Variants in TG observed in about 807,000 individuals in gnomAD.
TG encodes the protein thyroglobulin.
TG carries 270 observed loss-of-function variants against 324.7 expected under a neutral mutation model. The observed-to-expected ratio is 0.83, with a 90% CI of 0.75 to 0.92. The LOEUF (loss-of-function observed/expected upper bound fraction) is 0.92. Among genes scored for constraint, TG ranks in the 40% least tolerant of loss-of-function variants. The probability of loss-of-function intolerance (pLI) is 0.00; values close to 1 mark genes in which losing one functional copy is unlikely to be tolerated. For missense variants in TG, 3,591 were observed against 3,456.4 expected (o/e 1.04, Z -0.98); for synonymous variants, 1,401 against 1,327.0 (o/e 1.06, Z -1.21).
At chr8:132,936,894 G>A (rs537170460) in intron 25 of TG, among the ~76,000 whole-genome samples, 3 of 152,158 alleles carry the variant, frequency 2.0e-5, no homozygotes, top group Non-Finnish European at 4.4e-5. Flanking sequence ...CCGCCTGCCT[G>A]TGTGGAACCC....
At chr8:132,954,594 G>A (rs543459641) in intron 27 of TG, among the ~76,000 whole-genome samples, 1 of 152,314 alleles carries the variant, frequency 6.6e-6, no homozygotes, top group Admixed American at 6.5e-5. Context: ...GCTGACAATT[G>A]CAGGGAGGAC....
At chr8:132,933,316 G>T (rs115390341) in intron 23 of TG, among the ~76,000 whole-genome samples, 4 of 1,138 alleles carry the variant, frequency 3.5e-3, no homozygotes, top group South Asian at 0.038. Flanking sequence ...ATTTGTGTGT[G>T]TCTGTGTGTC....
At chr8:132,990,190 T>C (rs1449505983) in intron 35 of TG, among the ~76,000 whole-genome samples, 1 of 148,268 alleles carries the variant, frequency 6.7e-6, no homozygotes, top group Non-Finnish European at 1.5e-5. Flanking sequence ...ATAATATACA[T>C]GTACGTATAC....
At chr8:133,108,527 T>C (rs1400290212) in intron 43 of TG, among the ~76,000 whole-genome samples, 3 of 152,128 alleles carry the variant, frequency 2.0e-5, no homozygotes, top group Admixed American at 6.5e-5. Context: ...ATGATGAGGG[T>C]AATTTGTTGT....
intron 37 of TG, among the ~76,000 whole-genome samples, chr8:133,014,414 G>A (rs1834836141): frequency 1.3e-5 from 2 of 152,258 alleles, no homozygotes; most frequent in Admixed American, 1.3e-4. Flanking sequence ...GCTAAGAGCT[G>A]TAGAACAGGA....
intron 40 of TG, among the ~76,000 whole-genome samples, chr8:133,023,236 A>G (rs1394009924): frequency 2.0e-5 from 3 of 152,222 alleles, no homozygotes; most frequent in Non-Finnish European, 4.4e-5. Context: ...TTCTAGACTT[A>G]TGAAATGGGC....
intron 35 of TG, among the ~76,000 whole-genome samples, chr8:132,983,967 C>T (rs1450240363): frequency 1.3e-5 from 2 of 152,228 alleles, no homozygotes; most frequent in African/African-American, 4.8e-5. Flanking sequence ...TGATCCTCCT[C>T]ACTCATGGCA....
At chr8:133,074,233 G>C (rs770173744) in intron 41 of TG, among the ~76,000 whole-genome samples, 2 of 152,098 alleles carry the variant, frequency 1.3e-5, no homozygotes, top group Non-Finnish European at 2.9e-5. Flanking sequence ...CACCTGCTCA[G>C]ATTGTTATTA....
intron 41 of TG, among the ~76,000 whole-genome samples, chr8:133,031,309 T>C (rs1340837336): frequency 1.3e-5 from 2 of 152,248 alleles, no homozygotes; most frequent in Non-Finnish European, 2.9e-5. Context: ...CTTTCCTTTT[T>C]ATGGCTGCAT....
At chr8:132,881,746 T>C in intron 5 of TG, 117 bp from the exon 6 acceptor site, 1 of 765,376 alleles carries the variant, frequency 1.3e-6, no homozygotes, top group Non-Finnish European at 2.4e-6. Context: ...TGTCATGTGA[T>C]AAGAAAGTAG....
intron 41 of TG, chr8:133,049,406 C>T (rs1264734185): frequency 2.4e-5 from 7 of 293,192 alleles, no homozygotes; most frequent in African/African-American, 1.1e-4. Context: ...TGTATCATTA[C>T]ATCTTATTCT....
chr8:133,109,666 C>A (rs947540125), intron 43 of TG, among the ~76,000 whole-genome samples: 2 of 152,116 alleles, frequency 1.3e-5, no homozygotes, highest in African/African-American at 4.8e-5. Context: ...TTGTCCACCC[C>A]CTCAGGATGG....
chr8:132,883,880 C>T (rs140336280), intron 8 of TG, among the ~76,000 whole-genome samples: 3 of 152,206 alleles, frequency 2.0e-5, no homozygotes, highest in African/African-American at 7.2e-5. Flanking sequence ...TGTATTGTCT[C>T]TGTTCTGGAG....
chr8:133,018,068 G>A (rs953633252), intron 38 of TG, 71 bp downstream of exon 38: 26 of 1,455,742 alleles, frequency 1.8e-5, no homozygotes, highest in Non-Finnish European at 2.4e-5. Flanking sequence ...TATCCAAATG[G>A]GACTCAGTAG....
chr8:132,902,199 T>C (rs1449686957), intron 16 of TG, among the ~76,000 whole-genome samples: 2 of 152,130 alleles, frequency 1.3e-5, no homozygotes, highest in Non-Finnish European at 2.9e-5. Flanking sequence ...TTATTACCAA[T>C]TGGGGTGGTG....
At chr8:133,098,234 G>A (rs1045753104) in intron 43 of TG, among the ~76,000 whole-genome samples, 32 of 152,140 alleles carry the variant, frequency 2.1e-4, no homozygotes, top group African/African-American at 7.5e-4. Flanking sequence ...TTCTGATCAA[G>A]CCCCTCATCA....
At chr8:133,054,332 C>CAGAGAGAATTTTCGGG in intron 41 of TG, among the ~76,000 whole-genome samples, 1 of 152,070 alleles carries the variant, frequency 6.6e-6, no homozygotes, top group South Asian at 2.1e-4. Flanking sequence ...AGAAGAAACC[C>CAGAGAGAATTTTCGGG]AGAGAGAATT....
rs770300996 is a variant in TG, at chr8:133,017,867, G to C, written c.6652G>C (p.Val2218Leu). ...GCTGGGCAGGTCCCAGGCCATCCAG[G>C]TGGGTACCTCATGGAAGCAAGTGGA... Reference protein sequence around the residue: ...RLLGRSQAIQVGTSWKQVDQF... With the variant: ...RLLGRSQAIQLGTSWKQVDQF... Residue 2218 changes from valine to leucine, a missense_variant, in exon 38 of 48, where the codon GTG becomes CTG. Physicochemically the swap from Val to Leu is conservative, Grantham distance 32 (BLOSUM62 1). Coordinates refer to ENST00000220616, the MANE Select transcript of TG (RefSeq NM_003235.5). The C allele has an allele frequency of 6.2e-7, 1 of 1,614,184 alleles. No individual in the cohort carries two copies. Among genetic ancestry groups the C allele is most frequent in the South Asian group, 1.1e-5 (1 of 91,088 alleles).
At chr8:132,996,021 A>G (rs1832845224) in intron 35 of TG, among the ~76,000 whole-genome samples, 1 of 152,112 alleles carries the variant, frequency 6.6e-6, no homozygotes, top group Non-Finnish European at 1.5e-5. Context: ...GCTGAGTCAT[A>G]TGGAGGAGGT....
Sources: gnomAD v4.1 joint callset for allele counts (sites outside exome capture counted in the v4.1 genomes callset) on GRCh38, gnomAD v4.1.1 for gene constraint, MANE v1.5 for transcripts, NCBI Gene and HGNC (gene_info 2026-07-23, HGNC 2026-07-21) for gene names.